Variants in PAH observed in about 807,000 individuals in gnomAD.
The protein encoded by PAH is phenylalanine-4-hydroxylase.
PAH carries 64 observed loss-of-function variants against 62.0 expected under a neutral mutation model. The observed-to-expected ratio is 1.03, with a 90% CI of 0.84 to 1.27. The LOEUF is 1.27. Ranked by LOEUF, PAH falls within the 50% of genes most tolerant of loss-of-function variation. The pLI, the probability that PAH is intolerant of heterozygous loss-of-function variation, is 0.00. For missense variants in PAH, 579 were observed against 542.8 expected (o/e 1.07, Z -0.66); for synonymous variants, 195 against 196.2 (o/e 0.99, Z 0.05).
chr12:102,944,627 C>A lies in PAH; in HGVS notation c.-96+5962G>T, dbSNP rs7314757. On this transcript the variant is annotated intron_variant, in intron 1 of 3. Transcript: ENST00000546844. ...TAATTGTTTTAAATTTTGATAAATT[C>A]ATCCAATAGAATTCTGAATTCCTTC... 4.9e-3 allele frequency among the ~76,000 whole-genome samples: 741 copies of A among 152,316 alleles called. 5 individuals carry two copies. Among genetic ancestry groups the A allele is most frequent in the African/African-American group, 0.017 (707 of 41,564 alleles).
intron 7 of PAH, 108 bp downstream of exon 7, chr12:102,852,707 C>T: frequency 7.3e-7 from 1 of 1,366,252 alleles, no homozygotes; most frequent in Non-Finnish European, 1.0e-6. Flanking sequence ...ACAGTCTAGA[C>T]AACTAGTCCT....
chr12:102,908,619 C>T (rs1878075414), intron 2 of PAH, among the ~76,000 whole-genome samples: 1 of 150,738 alleles, frequency 6.6e-6, no homozygotes, highest in Admixed American at 6.6e-5. Flanking sequence ...AATGATAGCA[C>T]AGAGTTTCCA....
chr12:102,850,046 C>T (rs939027029), intron 8 of PAH, among the ~76,000 whole-genome samples: 3 of 152,162 alleles, frequency 2.0e-5, no homozygotes, highest in Non-Finnish European at 4.4e-5. Flanking sequence ...CCTCTGACTT[C>T]GTAAACTAAC....
chr12:102,912,742 G>T, intron 2 of PAH, 49 bp downstream of exon 2: 1 of 1,266,170 alleles, frequency 7.9e-7, no homozygotes, highest in Non-Finnish European at 1.2e-6. Context: ...AAAAGAACAT[G>T]GAAGTTTGCT....
intron 1 of PAH, among the ~76,000 whole-genome samples, chr12:102,931,613 G>C (rs1394668280): frequency 2.0e-5 from 3 of 152,154 alleles, no homozygotes; most frequent in Non-Finnish European, 2.9e-5. Flanking sequence ...CATTTTGCAA[G>C]CTCTCCTTTC....
intron 8 of PAH, 115 bp downstream of exon 8, chr12:102,851,572 C>A: frequency 1.2e-6 from 1 of 826,172 alleles, no homozygotes; most frequent in South Asian, 1.4e-5. Flanking sequence ...GATCATAGAA[C>A]TGTACCTGGT....
intron 2 of PAH, among the ~76,000 whole-genome samples, chr12:102,911,610 C>G (rs1878203744): frequency 6.6e-6 from 1 of 152,202 alleles, no homozygotes; most frequent in South Asian, 2.1e-4. Flanking sequence ...ACTTCTCATG[C>G]TCTGCCTTCC....
chr12:102,929,422 C>T (rs867402377), intron 1 of PAH, among the ~76,000 whole-genome samples: 3 of 152,124 alleles, frequency 2.0e-5, no homozygotes, highest in African/African-American at 7.2e-5. Flanking sequence ...CCTTCCAGAA[C>T]CTTCCAGGCA....
intron 5 of PAH, 136 bp downstream of exon 5, chr12:102,866,460 C>T: frequency 6.6e-6 from 5 of 751,996 alleles, no homozygotes; most frequent in Non-Finnish European, 1.2e-5. Context: ...TACACGCATG[C>T]ACATGAACAC....
chr12:102,948,868 A>T (rs1418930205), intron 1 of PAH, among the ~76,000 whole-genome samples: 1 of 152,226 alleles, frequency 6.6e-6, no homozygotes, highest in Non-Finnish European at 1.5e-5. Context: ...CATCTCAGTT[A>T]TCTCTAATGG....
intron 1 of PAH, among the ~76,000 whole-genome samples, chr12:102,926,344 A>T (rs1050893197): frequency 6.6e-6 from 1 of 152,016 alleles, no homozygotes; most frequent in Non-Finnish European, 1.5e-5. Context: ...GGTAGAGGAA[A>T]CATCTATACA....
rs1372655774 is a variant in PAH at position 102,852,921 on chromosome 12, C to G, written c.736G>C (p.Ala246Pro). ...TCTGFRLRPV[A>P]GLLSSRDFLG... ...AAATCCCGAGAGGAAAGCAGGCCAG[C>G]CACAGGTCGGAGGCGGAAACCAGTG... is the stretch of plus-strand genomic sequence containing the variant. The change falls in exon 7 of 13, where the codon GCT becomes CCT. Residue 246 changes from alanine (A) to proline (P), a missense_variant. Physicochemically the swap from Ala to Pro is conservative, Grantham distance 27. Coordinates refer to ENST00000553106, the MANE Select transcript of PAH (RefSeq NM_000277.3). The G allele has an allele frequency of 6.2e-7, 1 of 1,613,966 alleles. No homozygotes were observed. The highest frequency in any genetic ancestry group is 1.7e-5 in the Admixed American group (1 of 59,996).
chr12:102,842,201 G>A (rs953174958), intron 11 of PAH, among the ~76,000 whole-genome samples: 1 of 152,134 alleles, frequency 6.6e-6, no homozygotes, highest in African/African-American at 2.4e-5. Context: ...ATGACAGGGT[G>A]CTCATCAGCA....
intron 4 of PAH, among the ~76,000 whole-genome samples, chr12:102,875,564 G>A (rs150034208): frequency 9.9e-4 from 151 of 152,264 alleles, no homozygotes; most frequent in Admixed American, 3.6e-3. Context: ...CTGTTGAACG[G>A]GTACACAGAG....
At chr12:102,872,779 C>G in intron 4 of PAH, among the ~76,000 whole-genome samples, 1 of 152,164 alleles carries the variant, frequency 6.6e-6, no homozygotes, top group East Asian at 1.9e-4. Flanking sequence ...ACCAGCTTGG[C>G]CAACATGACG....
intron 2 of PAH, among the ~76,000 whole-genome samples, chr12:102,901,722 G>A (rs1002200367): frequency 5.9e-5 from 9 of 152,104 alleles, no homozygotes; most frequent in African/African-American, 2.2e-4. Context: ...GTAAACTTAA[G>A]TGAAGTTATG....
rs199475658 is a variant in PAH at position 102,843,646 on chromosome 12, C to T, written c.1199G>A (p.Arg400Lys). Residue 400 changes from arginine (R) to lysine (K), a missense_variant and splice_region_variant, in exon 11 of 13, where the codon AGG becomes AAG. Arg to Lys is a conservative substitution (Grantham distance 26). Coordinates refer to ENST00000553106, the MANE Select transcript of PAH (RefSeq NM_000277.3). ...ESFNDAKEKV[R>K]NFAATIPRPF... is the part of the protein sequence containing the mutation. ...TGGCTCACCTTTGTCACCACCTCAC[C>T]TTACTTTCTCCTTGGCATCATTAAA... The T allele has an allele frequency of 6.2e-7, 1 of 1,613,520 alleles. No individual in the cohort carries two copies. Among genetic ancestry groups the T allele is most frequent in the East Asian group, 2.2e-5 (1 of 44,852 alleles).
chr12:102,958,160 A>C (rs1879984987), intron 1 of PAH: 2 of 1,075,396 alleles, frequency 1.9e-6, no homozygotes, highest in African/African-American at 3.3e-5. Flanking sequence ...TCCTGCACCC[A>C]AGTTCTCTCT....
At chr12:102,854,728 G>A (rs140429043) in intron 6 of PAH, 5 of 298,692 alleles carry the variant, frequency 1.7e-5, no homozygotes, top group Non-Finnish European at 3.2e-5. Flanking sequence ...AGAGCTCAGG[G>A]CTCTTGGCAC....
Sources: gnomAD v4.1 joint callset for allele counts (sites outside exome capture counted in the v4.1 genomes callset) on GRCh38, gnomAD v4.1.1 for gene constraint, MANE v1.5 for transcripts, NCBI Gene and HGNC (gene_info 2026-07-23, HGNC 2026-07-21) for gene names.